STEAP3: variants seen among roughly 807,000 people sequenced by gnomAD.
The protein encoded by STEAP3 is metalloreductase STEAP3.
Under a neutral mutation model 34.9 loss-of-function variants are expected in STEAP3, and 35 were observed. The observed-to-expected ratio is 1.00, with a 90% confidence interval of 0.76 to 1.33. The LOEUF (loss-of-function observed/expected upper bound fraction) is 1.33, where lower values mean the gene tolerates loss of function less well. Ranked by LOEUF, STEAP3 falls within the 40% of genes most tolerant of loss-of-function variation. The pLI is 0.00. For missense variants in STEAP3, 652 were observed against 667.6 expected, an observed-to-expected ratio of 0.98 and a Z score of 0.26; for synonymous variants, 281 against 301.6, an observed-to-expected ratio of 0.93 and a Z score of 0.71.
intron 1 of STEAP3, among the ~76,000 whole-genome samples, chr2:119,227,429 C>A (rs192809795): frequency 2.8e-4 from 43 of 152,250 alleles, no homozygotes; most frequent in Non-Finnish European, 5.3e-4. Flanking sequence ...ACACTGTCAC[C>A]GGAGAATTGT....
intron 2 of STEAP3, among the ~76,000 whole-genome samples, chr2:119,238,030 G>A (rs144974024): frequency 1.1e-4 from 16 of 152,196 alleles, no homozygotes; most frequent in Non-Finnish European, 1.6e-4. Flanking sequence ...TTAATCCACC[G>A]GATGGATAGG....
chr2:119,229,682 G>T (rs1236570076), intron 1 of STEAP3, among the ~76,000 whole-genome samples: 1 of 152,136 alleles, frequency 6.6e-6, no homozygotes, highest in Non-Finnish European at 1.5e-5. Context: ...TCAGGGGTGG[G>T]CGTTGGGGGA....
chr2:119,224,880 T>G (rs1467885257), intron 1 of STEAP3, among the ~76,000 whole-genome samples: 1 of 152,194 alleles, frequency 6.6e-6, no homozygotes, highest in Non-Finnish European at 1.5e-5. Context: ...CACCATTATC[T>G]CTTGTTAAAA....
intron 1 of STEAP3, among the ~76,000 whole-genome samples, chr2:119,228,326 T>A (rs1428719402): frequency 6.6e-6 from 1 of 152,148 alleles, no homozygotes; most frequent in Non-Finnish European, 1.5e-5. Context: ...AGGTCTGGCC[T>A]GCCCATTGCC....
intron 5 of STEAP3, among the ~76,000 whole-genome samples, chr2:119,255,993 G>C (rs559346383): frequency 6.6e-6 from 1 of 152,132 alleles, no homozygotes; most frequent in Non-Finnish European, 1.5e-5. Context: ...CAGAATCTGC[G>C]GTCAGTGTTG....
intron 5 of STEAP3, among the ~76,000 whole-genome samples, chr2:119,260,431 C>T (rs1376245857): frequency 6.6e-6 from 1 of 151,562 alleles, no homozygotes; most frequent in East Asian, 1.9e-4. Flanking sequence ...GCTGGGATTA[C>T]AGGCATGCGC....
At chr2:119,231,510 C>A (rs1480645482) in intron 2 of STEAP3, among the ~76,000 whole-genome samples, 1 of 152,122 alleles carries the variant, frequency 6.6e-6, no homozygotes, top group Non-Finnish European at 1.5e-5. Flanking sequence ...AGTAAATGAA[C>A]CAGATTTTTC....
chr2:119,265,499 C>T lies in STEAP3; in HGVS notation c.*2161C>T, dbSNP rs374480201. 3 of 152,076 alleles carry T rather than the reference C, an allele frequency of 2.0e-5. No homozygotes were observed. Among genetic ancestry groups the T allele is most frequent in the African/African-American group, 7.2e-5 (3 of 41,410 alleles). The allele number at this position is 152,076 out of a possible 1,614,324, so 9.4% of individuals were successfully genotyped here. On this transcript the variant is annotated 3_prime_UTR_variant, in exon 6 of 6. Coordinates refer to ENST00000393110, the MANE Select transcript of STEAP3 (RefSeq NM_182915.3). ...GGTAAATTCCATGTGCCTCTGGGTA[C>T]AAAAGTGCCTCAACGACATGCTCTG...
At chr2:119,239,217 CCT>C (rs1677172752) in intron 2 of STEAP3, 2 of 152,252 alleles carry the variant, frequency 1.3e-5, no homozygotes, top group Admixed American at 1.3e-4. Flanking sequence ...TTCCTCTTTC[CCT>C]CTCTACACGT....
chr2:119,245,988 G>C lies in STEAP3; in HGVS notation c.522G>C (p.Gln174His). The C allele has an allele frequency of 2.5e-6, 4 of 1,610,218 alleles. No individual in the cohort carries two copies. Among genetic ancestry groups the C allele is most frequent in the Non-Finnish European group, 3.4e-6 (4 of 1,177,746 alleles). The change falls in exon 3 of 6, where the codon CAG becomes CAC. Residue 174 changes from glutamine (Q) to histidine (H), a missense_variant and splice_region_variant. Transcript: ENST00000393110. ...LQAGPRDGNR[Q>H]VPICGDQPEA... ...CTGGCCCAAGGGATGGTAACAGGCA[G>C]GTAGGTTCTGGGGGAATAATACCCA...
intron 2 of STEAP3, among the ~76,000 whole-genome samples, chr2:119,235,556 G>A (rs1677070742): frequency 6.6e-6 from 1 of 152,240 alleles, no homozygotes; most frequent in South Asian, 2.1e-4. Context: ...AGCAATTCTG[G>A]ATGTGGAGCC....
intron 2 of STEAP3, among the ~76,000 whole-genome samples, chr2:119,233,266 A>G (rs547966330): frequency 3.9e-5 from 6 of 152,280 alleles, no homozygotes; most frequent in Non-Finnish European, 7.4e-5. Flanking sequence ...CTGCACCTCA[A>G]TGCACCTTAG....
chr2:119,227,048 C>A (rs1679062422), intron 1 of STEAP3, among the ~76,000 whole-genome samples: 1 of 152,216 alleles, frequency 6.6e-6, no homozygotes, highest in Non-Finnish European at 1.5e-5. Context: ...GAGCCAGGCA[C>A]TCTAAGACCA....
At chr2:119,248,354 C>T in intron 4 of STEAP3, 148 bp downstream of exon 4, 1 of 867,406 alleles carries the variant, frequency 1.2e-6, no homozygotes, top group East Asian at 2.7e-5. Context: ...GGGCAGCACC[C>T]ACATCCTCCT....
Position 119,245,395 on chromosome 2 carries a change from A to G in STEAP3, c.23-94A>G, listed in dbSNP as rs188953883. The G allele has an allele frequency of 1.9e-5, 28 of 1,498,596 alleles. No individual in the cohort carries two copies. In the African/African-American group the frequency reaches 3.6e-4, roughly 19 times the overall value. The allele number at this position is 1,498,596 out of a possible 1,614,324, so 92.8% of individuals were successfully genotyped here. A position where few individuals can be genotyped will look rare whatever the true frequency, so the allele number is the denominator to read the frequency against. On this transcript the variant is annotated intron_variant, in intron 2 of 5. Coordinates refer to ENST00000393110, the MANE Select transcript of STEAP3 (RefSeq NM_182915.3). ...TGAACACCTGCTGGGTGAATGTCTG[A>G]CTGCCGTGTAGTTACGATGTATAAG... is the stretch of plus-strand genomic sequence containing the variant.
intron 1 of STEAP3, 32 bp downstream of exon 1, chr2:119,223,920 C>A (rs890701747): frequency 6.6e-6 from 1 of 152,228 alleles, no homozygotes; most frequent in Non-Finnish European, 1.5e-5. Context: ...CTCCGCGGGG[C>A]TGCGTGCTGC....
chr2:119,237,680 C>A (rs1023553536), intron 2 of STEAP3, among the ~76,000 whole-genome samples: 4 of 152,238 alleles, frequency 2.6e-5, no homozygotes, highest in African/African-American at 9.6e-5. Flanking sequence ...TCTTGGTTTA[C>A]ACACACTAGT....
At chr2:119,245,422 G>T in intron 2 of STEAP3, 67 bp from the exon 3 acceptor site, 1 of 1,518,892 alleles carries the variant, frequency 6.6e-7, no homozygotes, top group Non-Finnish European at 8.8e-7. Flanking sequence ...ATGTATAAGA[G>T]GAGGGAGGTG....
At chr2:119,229,718 G>A (rs2104789519) in intron 1 of STEAP3, among the ~76,000 whole-genome samples, 1 of 152,236 alleles carries the variant, frequency 6.6e-6, no homozygotes, top group South Asian at 2.1e-4. Context: ...AAGTGCCCAA[G>A]GCCTTGGGCT....
Sources: allele counts gnomAD v4.1 joint callset (sites outside exome capture counted in the v4.1 genomes callset), GRCh38; gene constraint gnomAD v4.1.1; transcripts MANE v1.5; gene names NCBI Gene and HGNC (gene_info 2026-07-23, HGNC 2026-07-21).